Variants in MAGI2 observed in about 807,000 individuals in gnomAD.
MAGI2 encodes membrane associated guanylate kinase, WW and PDZ domain containing 2, also known as membrane-associated guanylate kinase, WW and PDZ domain-containing protein 2.
Under a neutral mutation model 133.3 loss-of-function variants are expected in MAGI2, and 35 were observed. The ratio of observed to expected loss-of-function variants is 0.26; its 90% confidence interval spans 0.20 to 0.35. MAGI2 has a LOEUF of 0.35. Among genes scored for constraint, MAGI2 ranks in the 10% least tolerant of loss-of-function variants. The probability of loss-of-function intolerance (pLI) is 1.00; values close to 1 mark genes in which losing one functional copy is unlikely to be tolerated. For synonymous variants in MAGI2, 729 were observed against 710.6 expected (o/e 1.03, Z -0.41); for missense variants, 1,636 against 1,863.4 (o/e 0.88, Z 2.25).
intron 1 of MAGI2, among the ~76,000 whole-genome samples, chr7:79,334,425 TAA>T (rs1312558539): frequency 6.6e-6 from 1 of 152,186 alleles, no homozygotes; most frequent in Non-Finnish European, 1.5e-5. Flanking sequence ...CTCTTTTTTA[TAA>T]GTCTTTTATA....
At chr7:78,825,616 T>A (rs1455753081) in intron 2 of MAGI2, among the ~76,000 whole-genome samples, 2 of 152,224 alleles carry the variant, frequency 1.3e-5, no homozygotes, top group African/African-American at 4.8e-5. Context: ...AAAAAAGTGA[T>A]GGATAGTCAA....
At chr7:78,603,868 C>T (rs770210624) in intron 3 of MAGI2, among the ~76,000 whole-genome samples, 1 of 152,112 alleles carries the variant, frequency 6.6e-6, no homozygotes, top group Non-Finnish European at 1.5e-5. Flanking sequence ...TACAATGAGA[C>T]CTATTTGTTC....
intron 1 of MAGI2, among the ~76,000 whole-genome samples, chr7:79,257,856 T>A (rs1164341929): frequency 6.6e-6 from 1 of 152,054 alleles, no homozygotes; most frequent in Non-Finnish European, 1.5e-5. Context: ...TATTATTTGT[T>A]ATGTGCAGCA....
At chr7:78,323,581 T>C (rs1363359332) in intron 9 of MAGI2, among the ~76,000 whole-genome samples, 3 of 152,210 alleles carry the variant, frequency 2.0e-5, no homozygotes, top group Admixed American at 2.0e-4. Context: ...GGAATCCTGC[T>C]TCATTACGCT....
chr7:78,333,905 T>G (rs538029503), intron 9 of MAGI2, among the ~76,000 whole-genome samples: 2 of 152,182 alleles, frequency 1.3e-5, no homozygotes, highest in Non-Finnish European at 2.9e-5. Flanking sequence ...TTTAAATCAC[T>G]TGAGTTTGGC....
chr7:78,429,535 C>T (rs1350549479), intron 6 of MAGI2, among the ~76,000 whole-genome samples: 3 of 152,062 alleles, frequency 2.0e-5, no homozygotes, highest in Non-Finnish European at 2.9e-5. Flanking sequence ...AAACCCACAG[C>T]CTTGGCCTCA....
intron 20 of MAGI2, among the ~76,000 whole-genome samples, chr7:78,083,127 G>A (rs537817728): frequency 1.3e-5 from 2 of 151,698 alleles, no homozygotes; most frequent in South Asian, 2.1e-4. Context: ...TATCACAATC[G>A]GGAGAATTAA....
Position 78,506,175 on chromosome 7 carries a change from C to T in MAGI2, c.755-4388G>A, listed in dbSNP as rs146178204. On this transcript the variant is annotated intron_variant, in intron 4 of 21. Coordinates refer to ENST00000354212, the MANE Select transcript of MAGI2 (RefSeq NM_012301.4). ...CTCTCAAAAAGTAATGATGGTGGCA[C>T]GGAGATGGAAAGAAGCAGATTAAAA... Among the ~76,000 whole-genome samples, 87 of 151,816 alleles carry T rather than the reference C, an allele frequency of 5.7e-4. 1 individual carries two copies. Among genetic ancestry groups the T allele is most frequent in the African/African-American group, 2.0e-3 (82 of 41,334 alleles).
intron 6 of MAGI2, chr7:78,485,410 G>A (rs1792889587): frequency 1.3e-5 from 2 of 151,958 alleles, no homozygotes. Flanking sequence ...AGAGAAGGAA[G>A]TATGTTTTTA....
rs111972753 is a variant in MAGI2 at position 78,907,023 on chromosome 7, T to G, written c.418+100067A>C. Among the ~76,000 whole-genome samples the G allele has an allele frequency of 9.9e-3, 1,513 of 152,294 alleles. 27 individuals carry two copies. The highest frequency in any genetic ancestry group is 0.034 in the African/African-American group (1,413 of 41,554). On this transcript the variant is annotated intron_variant, in intron 2 of 21. Coordinates refer to ENST00000354212, the MANE Select transcript of MAGI2 (RefSeq NM_012301.4). ...AAACAAAAACTAGACAATGGGTGTA[T>G]GCATTTGAGAAATCATTATTGCTGA...
At chr7:79,070,829 T>C (rs1219300772) in intron 1 of MAGI2, among the ~76,000 whole-genome samples, 2 of 152,186 alleles carry the variant, frequency 1.3e-5, no homozygotes, top group East Asian at 3.9e-4. Context: ...CTGGTTATTC[T>C]AGTTAGCAAT....
intron 2 of MAGI2, among the ~76,000 whole-genome samples, chr7:78,852,200 C>T (rs1793201126): frequency 6.6e-6 from 1 of 151,986 alleles, no homozygotes; most frequent in African/African-American, 2.4e-5. Flanking sequence ...TGCCCCATTG[C>T]TTTTCTTCAA....
At chr7:79,223,048 C>T (rs1219278956) in intron 1 of MAGI2, among the ~76,000 whole-genome samples, 2 of 151,890 alleles carry the variant, frequency 1.3e-5, no homozygotes, top group African/African-American at 4.8e-5. Flanking sequence ...CCGCTCCTGG[C>T]TAATTTTTTT....
At chr7:79,050,127 G>T (rs1009842320) in intron 1 of MAGI2, among the ~76,000 whole-genome samples, 1 of 152,064 alleles carries the variant, frequency 6.6e-6, no homozygotes, top group African/African-American at 2.4e-5. Flanking sequence ...CAACTTAGAA[G>T]CACCTCAAAC....
chr7:79,112,278 G>T (rs1269329515), intron 1 of MAGI2, among the ~76,000 whole-genome samples: 1 of 152,010 alleles, frequency 6.6e-6, no homozygotes, highest in Non-Finnish European at 1.5e-5. Context: ...GTTTCATTTT[G>T]GGGCAAGTCT....
intron 9 of MAGI2, among the ~76,000 whole-genome samples, chr7:78,329,139 C>G (rs1788908690): frequency 6.6e-6 from 1 of 152,144 alleles, no homozygotes; most frequent in South Asian, 2.1e-4. Flanking sequence ...CTTGTCACTT[C>G]ATGCAAATCC....
chr7:78,557,640 C>T (rs1166338667), intron 3 of MAGI2, among the ~76,000 whole-genome samples: 2 of 152,158 alleles, frequency 1.3e-5, no homozygotes, highest in East Asian at 1.9e-4. Flanking sequence ...AGAGCGAAAA[C>T]TAGAGGAATG....
intron 16 of MAGI2, among the ~76,000 whole-genome samples, chr7:78,155,623 A>G (rs957625154): frequency 6.6e-6 from 1 of 152,170 alleles, no homozygotes; most frequent in Non-Finnish European, 1.5e-5. Context: ...CCATGGCTCA[A>G]AAAACAACAA....
chr7:79,105,219 T>C (rs2129543522), intron 1 of MAGI2, among the ~76,000 whole-genome samples: 1 of 152,292 alleles, frequency 6.6e-6, no homozygotes, highest in East Asian at 1.9e-4. Flanking sequence ...AGGTATAGTA[T>C]ATGAAAAGCA....
Sources: gnomAD v4.1 joint callset for allele counts (sites outside exome capture counted in the v4.1 genomes callset) on GRCh38, gnomAD v4.1.1 for gene constraint, MANE v1.5 for transcripts, NCBI Gene and HGNC (gene_info 2026-07-23, HGNC 2026-07-21) for gene names.